Variants in NXPE2 observed in about 807,000 individuals in gnomAD.
The protein encoded by NXPE2 is NXPE family member 2.
In NXPE2, 34 loss-of-function variants were observed where a neutral mutation model predicts 34.4. The ratio of observed to expected loss-of-function variants is 0.99; its 90% CI spans 0.75 to 1.31. The LOEUF is 1.31. Ranked by LOEUF, NXPE2 falls within the 40% of genes most tolerant of loss-of-function variation. The pLI is 0.00. For missense variants in NXPE2, 649 were observed against 672.5 expected (o/e 0.97, Z 0.39); for synonymous variants, 235 against 231.3 (o/e 1.02, Z -0.15).
the NXPE2 span, among the ~76,000 whole-genome samples, chr11:114,638,855 G>T: frequency 6.6e-6 from 1 of 151,978 alleles, no homozygotes; most frequent in Non-Finnish European, 1.5e-5. Flanking sequence ...CCAGCCGTGT[G>T]AGGTGTCAGT....
upstream of NXPE2, among the ~76,000 whole-genome samples, chr11:114,675,780 G>A (rs560080342): frequency 1.2e-4 from 18 of 151,644 alleles, no homozygotes; most frequent in African/African-American, 2.4e-4. Context: ...ACAAAAGACC[G>A]CAAATAGCCA....
chr11:114,799,850 TCCCTCCCTTCATCTCA>T, the NXPE2 span, among the ~76,000 whole-genome samples: 4 of 151,338 alleles, frequency 2.6e-5, no homozygotes, highest in South Asian at 8.5e-4. Context: ...ACAGTTCCCC[TCCCTCCCTTCATCTCA>T]CCCTCCCTCC....
the NXPE2 span, among the ~76,000 whole-genome samples, chr11:114,468,678 AG>A: frequency 1.3e-5 from 2 of 152,220 alleles, no homozygotes; most frequent in Non-Finnish European, 2.9e-5. Flanking sequence ...TAAAATGCAC[AG>A]GTTAGTCCCC....
chr11:114,721,062 C>T, the NXPE2 span, among the ~76,000 whole-genome samples: 5 of 152,056 alleles, frequency 3.3e-5, no homozygotes. Context: ...CCTGCTCCTG[C>T]CCCCACATAC....
At chr11:114,595,094 G>T in the NXPE2 span, among the ~76,000 whole-genome samples, 1 of 152,050 alleles carries the variant, frequency 6.6e-6, no homozygotes, top group African/African-American at 2.4e-5. Flanking sequence ...CACCTATCAG[G>T]TTCCCTGTTC....
the NXPE2 span, among the ~76,000 whole-genome samples, chr11:114,635,903 C>G: frequency 6.6e-6 from 1 of 152,036 alleles, no homozygotes; most frequent in Admixed American, 6.6e-5. Flanking sequence ...CAATGTTCAT[C>G]AAGGATATTG....
At chr11:114,626,259 C>G in the NXPE2 span, among the ~76,000 whole-genome samples, 1 of 152,212 alleles carries the variant, frequency 6.6e-6, no homozygotes, top group South Asian at 2.1e-4. Flanking sequence ...GTAACCTCTG[C>G]AGACTTAAAT....
the NXPE2 span, among the ~76,000 whole-genome samples, chr11:114,541,072 A>T: frequency 6.6e-6 from 1 of 151,900 alleles, no homozygotes; most frequent in South Asian, 2.1e-4. Context: ...TCAGAACTCA[A>T]CTGAGATGTG....
In NXPE2 at chr11:114,701,030, C is replaced by T. The variant is rs577486982; in HGVS notation, c.866+2252C>T. Among the ~76,000 whole-genome samples, 6 of 152,268 alleles carry T rather than the reference C, an allele frequency of 3.9e-5. 1 individual carries two copies. The highest frequency in any genetic ancestry group is 2.1e-4 in the South Asian group (1 of 4,808). On this transcript the variant is annotated intron_variant, in intron 3 of 5. Coordinates refer to ENST00000389586, the MANE Select transcript of NXPE2 (RefSeq NM_182495.6). ...GACCCTACATCACTACAGCCTCTCC[C>T]TTTCACCCCTACGTCACCTTCACTT...
At chr11:114,714,251 G>C in the NXPE2 span, among the ~76,000 whole-genome samples, 8 of 132,254 alleles carry the variant, frequency 6.0e-5, no homozygotes. Context: ...GGTAATTCTA[G>C]TCTTTTTTCT....
At chr11:114,641,293 G>T in the NXPE2 span, among the ~76,000 whole-genome samples, 14,011 of 151,906 alleles carry the variant, frequency 0.092, 825 homozygotes, top group Middle Eastern at 0.2. Context: ...ATTCCAGAAA[G>T]GTAGTGTAAA....
At chr11:114,489,659 G>A in the NXPE2 span, among the ~76,000 whole-genome samples, 134 of 152,276 alleles carry the variant, frequency 8.8e-4, no homozygotes, top group Non-Finnish European at 4.1e-4. Flanking sequence ...ATTCAACAAC[G>A]CTTCATGCTA....
the NXPE2 span, among the ~76,000 whole-genome samples, chr11:114,540,065 C>G: frequency 1.3e-5 from 2 of 152,228 alleles, no homozygotes; most frequent in African/African-American, 2.4e-5. Flanking sequence ...AAGCGATTCT[C>G]CTGCCTCAGC....
At chr11:114,649,934 T>C in the NXPE2 span, among the ~76,000 whole-genome samples, 2 of 152,194 alleles carry the variant, frequency 1.3e-5, no homozygotes, top group African/African-American at 4.8e-5. Context: ...GAAGCTTCAA[T>C]TGTACATTTG....
chr11:114,666,795 T>C, the NXPE2 span, among the ~76,000 whole-genome samples: 1 of 152,162 alleles, frequency 6.6e-6, no homozygotes, highest in Non-Finnish European at 1.5e-5. Context: ...GTATTGGTCT[T>C]TTCCTTGTAT....
At chr11:114,590,517 A>T in the NXPE2 span, among the ~76,000 whole-genome samples, 1 of 152,212 alleles carries the variant, frequency 6.6e-6, no homozygotes, top group Admixed American at 6.6e-5. Flanking sequence ...CAAGTGGATA[A>T]AATTCATCTC....
the NXPE2 span, among the ~76,000 whole-genome samples, chr11:114,632,933 T>G: frequency 1.0e-5 from 1 of 98,334 alleles, no homozygotes; most frequent in African/African-American, 4.2e-5. Flanking sequence ...AATTATATAA[T>G]AATATATATT....
chr11:114,502,941 G>A, the NXPE2 span, among the ~76,000 whole-genome samples: 1 of 152,196 alleles, frequency 6.6e-6, no homozygotes, highest in Admixed American at 6.5e-5. Context: ...GTGGCTAGGA[G>A]TGGAAAAGCA....
the NXPE2 span, among the ~76,000 whole-genome samples, chr11:114,511,117 A>G: frequency 6.6e-6 from 1 of 152,178 alleles, no homozygotes; most frequent in East Asian, 1.9e-4. Flanking sequence ...ACCTACTCAG[A>G]ATCCTTCCTA....
Sources: allele counts gnomAD v4.1 joint callset (sites outside exome capture counted in the v4.1 genomes callset), GRCh38; gene constraint gnomAD v4.1.1; transcripts MANE v1.5; gene names NCBI Gene and HGNC (gene_info 2026-07-23, HGNC 2026-07-21).